Variants in EVI5 observed in about 807,000 individuals in gnomAD.
The protein encoded by EVI5 is ecotropic viral integration site 5, also known as ecotropic viral integration site 5 protein homolog.
Under a neutral mutation model 112.0 loss-of-function variants are expected in EVI5, and 73 were observed. That is an observed-to-expected ratio of 0.65 (90% CI 0.54 to 0.79). The LOEUF (loss-of-function observed/expected upper bound fraction) is 0.79, where lower values mean the gene tolerates loss of function less well. Among genes scored for constraint, EVI5 ranks in the 30% least tolerant of loss-of-function variants. The pLI, the probability that EVI5 is intolerant of heterozygous loss-of-function variation, is 0.00. For synonymous variants in EVI5, 305 were observed against 319.9 expected, an observed-to-expected ratio of 0.95 and a Z score of 0.50; for missense variants, 900 against 968.8, an observed-to-expected ratio of 0.93 and a Z score of 0.94.
intron 19 of EVI5, among the ~76,000 whole-genome samples, chr1:92,557,951 T>G (rs1667941421): frequency 6.6e-6 from 1 of 152,044 alleles, no homozygotes; most frequent in African/African-American, 2.4e-5. Flanking sequence ...TTGGCCAGGC[T>G]AGTCTCAAAC....
intron 14 of EVI5, among the ~76,000 whole-genome samples, chr1:92,626,550 C>T (rs1269301108): frequency 6.6e-6 from 1 of 152,118 alleles, no homozygotes; most frequent in Non-Finnish European, 1.5e-5. Context: ...AGGAGTAGAA[C>T]TGCTGGCTCA....
intron 19 of EVI5, among the ~76,000 whole-genome samples, chr1:92,533,949 GAAAT>G (rs1663348845): frequency 6.6e-6 from 1 of 152,150 alleles, no homozygotes; most frequent in Non-Finnish European, 1.5e-5. Flanking sequence ...GTAAAAGAAA[GAAAT>G]AAAGGGTATT....
At chr1:92,544,758 C>T (rs1665404009) in intron 19 of EVI5, among the ~76,000 whole-genome samples, 1 of 152,108 alleles carries the variant, frequency 6.6e-6, no homozygotes. Context: ...CCACTGAACC[C>T]AAATAAGCTT....
chr1:92,556,766 T>C (rs1309082710), intron 19 of EVI5, among the ~76,000 whole-genome samples: 1 of 152,158 alleles, frequency 6.6e-6, no homozygotes, highest in Non-Finnish European at 1.5e-5. Context: ...TAAACAGATA[T>C]CAGAATTTAA....
intron 18 of EVI5, among the ~76,000 whole-genome samples, chr1:92,566,072 T>TGGTAGGAA (rs1669435441): frequency 6.6e-6 from 1 of 151,200 alleles, no homozygotes; most frequent in Non-Finnish European, 1.5e-5. Context: ...AAATTGTATC[T>TGGTAGGAA]CTAACTACCC....
At chr1:92,594,943 AG>A (rs997376750) in intron 18 of EVI5, among the ~76,000 whole-genome samples, 2 of 152,244 alleles carry the variant, frequency 1.3e-5, no homozygotes, top group Non-Finnish European at 2.9e-5. Context: ...ATGTGGAGAT[AG>A]GAACACTTGT....
At chr1:92,525,811 A>G (rs1382834747) in intron 19 of EVI5, among the ~76,000 whole-genome samples, 1 of 152,216 alleles carries the variant, frequency 6.6e-6, no homozygotes. Flanking sequence ...TCATTAGAAC[A>G]GTAGGAAAGT....
intron 18 of EVI5, among the ~76,000 whole-genome samples, chr1:92,598,451 A>ACC (rs1328935794): frequency 2.0e-5 from 3 of 152,192 alleles, no homozygotes; most frequent in African/African-American, 7.2e-5. Flanking sequence ...GAAAAAATAA[A>ACC]CCAACATAAG....
chr1:92,789,718 C>T (rs1027126529), upstream of EVI5, among the ~76,000 whole-genome samples: 3 of 152,176 alleles, frequency 2.0e-5, no homozygotes, highest in African/African-American at 7.2e-5. Flanking sequence ...CCCCTCTAAA[C>T]TTGGCAAGGG....
chr1:92,768,147 G>GA (rs11352389), intron 1 of EVI5, among the ~76,000 whole-genome samples: 6 of 149,426 alleles, frequency 4.0e-5, no homozygotes, highest in African/African-American at 9.9e-5. Flanking sequence ...AATATAACAG[G>GA]AAAAAAAAAA....
chr1:92,520,712 G>A (rs192303529), intron 19 of EVI5, among the ~76,000 whole-genome samples: 3 of 151,888 alleles, frequency 2.0e-5, no homozygotes, highest in African/African-American at 4.8e-5. Context: ...TTAGCTGGGC[G>A]TGGTGGCGTG....
chr1:92,784,398 C>G, intron 1 of EVI5: 1 of 985,358 alleles, frequency 1.0e-6, no homozygotes, highest in Non-Finnish European at 1.2e-6. Context: ...GCGCAGAATC[C>G]CGGAGGCCAA....
At chr1:92,617,025 G>A (rs1457577402) in intron 16 of EVI5, among the ~76,000 whole-genome samples, 2 of 152,198 alleles carry the variant, frequency 1.3e-5, no homozygotes, top group Non-Finnish European at 2.9e-5. Context: ...TCTCCAGCCC[G>A]CACTGATGGC....
chr1:92,691,526 C>A (rs1295618197), intron 9 of EVI5, among the ~76,000 whole-genome samples: 1 of 152,016 alleles, frequency 6.6e-6, no homozygotes, highest in African/African-American at 2.4e-5. Context: ...TGAGTAAAAT[C>A]TATTCTTTCC....
chr1:92,766,459 A>G (rs372084069), intron 1 of EVI5, among the ~76,000 whole-genome samples: 2 of 152,190 alleles, frequency 1.3e-5, no homozygotes, highest in Admixed American at 6.5e-5. Context: ...ATGAATTTTA[A>G]ATTTCAGTAT....
chr1:92,630,628 C>T (rs1380253783), intron 14 of EVI5, among the ~76,000 whole-genome samples: 1 of 151,916 alleles, frequency 6.6e-6, no homozygotes. Context: ...TGCCTGTTCA[C>T]TCTGATGGTA....
At chr1:92,552,958 G>A (rs1667167037) in intron 19 of EVI5, among the ~76,000 whole-genome samples, 1 of 151,220 alleles carries the variant, frequency 6.6e-6, no homozygotes, top group African/African-American at 2.4e-5. Flanking sequence ...ACTATCATGA[G>A]AGGCACATGT....
At chr1:92,607,216 C>A (rs564362177) in intron 17 of EVI5, among the ~76,000 whole-genome samples, 14 of 151,996 alleles carry the variant, frequency 9.2e-5, no homozygotes, top group African/African-American at 3.1e-4. Context: ...AATAAGATAC[C>A]AATCAAAGCA....
At chr1:92,514,012 A>AAC (rs1317938915) in intron 19 of EVI5, 42 bp from the exon 20 acceptor site, 2 of 1,204,704 alleles carry the variant, frequency 1.7e-6, no homozygotes, top group Non-Finnish European at 2.3e-6. Flanking sequence ...AAATGGGGGA[A>AAC]ACACACACAC....
Sources: allele counts gnomAD v4.1 joint callset (sites outside exome capture counted in the v4.1 genomes callset), GRCh38; gene constraint gnomAD v4.1.1; transcripts MANE v1.5; gene names NCBI Gene and HGNC (gene_info 2026-07-23, HGNC 2026-07-21).